PPARGC1A: variants seen among roughly 807,000 people sequenced by gnomAD.
PPARGC1A encodes the protein PPARG coactivator 1 alpha.
A neutral mutation model predicts 88.7 loss-of-function variants in PPARGC1A; 25 were observed. The ratio of observed to expected loss-of-function variants is 0.28; its 90% CI spans 0.21 to 0.39. PPARGC1A has a LOEUF of 0.39. PPARGC1A is among the 10% of genes least tolerant of loss of function. PPARGC1A has a pLI of 1.00. For missense variants in PPARGC1A, 880 were observed against 968.7 expected, an observed-to-expected ratio of 0.91 and a Z score of 1.22; for synonymous variants, 363 against 355.6, an observed-to-expected ratio of 1.02 and a Z score of -0.24.
chr4:24,270,666 C>T, the PPARGC1A span, among the ~76,000 whole-genome samples: 1 of 152,160 alleles, frequency 6.6e-6, no homozygotes, highest in Non-Finnish European at 1.5e-5. Context: ...ATGAGGATTA[C>T]AAATTTAATG....
chr4:23,835,576 G>A (rs949533016), intron 2 of PPARGC1A, among the ~76,000 whole-genome samples: 4 of 150,096 alleles, frequency 2.7e-5, no homozygotes, highest in African/African-American at 9.8e-5. Flanking sequence ...GATTATTTAC[G>A]GTCTGTATCC....
chr4:24,173,643 A>T, the PPARGC1A span, among the ~76,000 whole-genome samples: 1 of 152,196 alleles, frequency 6.6e-6, no homozygotes, highest in Non-Finnish European at 1.5e-5. Flanking sequence ...ACATCAGGAT[A>T]TGTCGTGAGG....
At chr4:23,864,822 C>A (rs1249814071) in intron 2 of PPARGC1A, among the ~76,000 whole-genome samples, 2 of 152,174 alleles carry the variant, frequency 1.3e-5, no homozygotes, top group African/African-American at 4.8e-5. Context: ...AGCAAGCTTG[C>A]AAAGCACCAA....
the PPARGC1A span, among the ~76,000 whole-genome samples, chr4:24,193,847 G>A: frequency 6.6e-6 from 1 of 152,120 alleles, no homozygotes; most frequent in Non-Finnish European, 1.5e-5. Flanking sequence ...ACACCAATGG[G>A]GCCAGGCATG....
the PPARGC1A span, among the ~76,000 whole-genome samples, chr4:24,313,997 C>T: frequency 1.3e-5 from 2 of 152,094 alleles, no homozygotes; most frequent in African/African-American, 2.4e-5. Context: ...AAAATCATAA[C>T]AGTTTGAATT....
the PPARGC1A span, among the ~76,000 whole-genome samples, chr4:24,357,794 T>C: frequency 6.6e-6 from 1 of 152,198 alleles, no homozygotes; most frequent in East Asian, 1.9e-4. Flanking sequence ...TTTTGCCTGG[T>C]TCTCATTTTC....
At chr4:24,074,196 G>A in the PPARGC1A span, among the ~76,000 whole-genome samples, 1 of 152,154 alleles carries the variant, frequency 6.6e-6, no homozygotes, top group Non-Finnish European at 1.5e-5. Flanking sequence ...CAGCCAGAAA[G>A]ACGAGAGAAG....
the PPARGC1A span, among the ~76,000 whole-genome samples, chr4:24,406,262 C>G: frequency 1.3e-5 from 2 of 152,154 alleles, no homozygotes; most frequent in Admixed American, 1.3e-4. Context: ...AGCCATCTTC[C>G]CACAAGAAGT....
chr4:23,792,138 ATT>A lies in PPARGC1A; in HGVS notation c.*3682_*3683del, dbSNP rs1240811760. ...ATAAAACCACAACAATACATGTAGAATTGGCAGGTGGAAAAAAGGCCCGGCAA... is the reference window on the plus strand; with the variant it reads ...ATAAAACCACAACAATACATGTAGAAGGCAGGTGGAAAAAAGGCCCGGCAA... On this transcript the variant is annotated 3_prime_UTR_variant, in exon 13 of 13. Coordinates refer to ENST00000264867, the MANE Select transcript of PPARGC1A (RefSeq NM_013261.5). The A allele has an allele frequency of 1.3e-5, 2 of 152,630 alleles. No homozygotes were observed. The highest frequency in any genetic ancestry group is 2.4e-5 in the African/African-American group (1 of 41,458). The allele number at this position is 152,630 out of a possible 1,614,324, so 9.5% of individuals were successfully genotyped here. A position where few individuals can be genotyped will look rare whatever the true frequency, so the allele number is the denominator to read the frequency against.
At chr4:23,912,644 T>C in the PPARGC1A span, among the ~76,000 whole-genome samples, 4 of 152,258 alleles carry the variant, frequency 2.6e-5, no homozygotes, top group Non-Finnish European at 5.9e-5. Context: ...GAATTCCCTA[T>C]GAGCTATGAA....
At chr4:24,365,309 A>G in the PPARGC1A span, among the ~76,000 whole-genome samples, 1 of 152,208 alleles carries the variant, frequency 6.6e-6, no homozygotes, top group Non-Finnish European at 1.5e-5. Flanking sequence ...GCTGACTCTA[A>G]AAAGTTAACA....
At chr4:24,445,885 T>G in the PPARGC1A span, among the ~76,000 whole-genome samples, 2 of 152,058 alleles carry the variant, frequency 1.3e-5, no homozygotes, top group African/African-American at 4.8e-5. Flanking sequence ...CTGACCAACA[T>G]GGTGAAACCC....
chr4:24,288,493 A>T, the PPARGC1A span, among the ~76,000 whole-genome samples: 1 of 152,250 alleles, frequency 6.6e-6, no homozygotes, highest in South Asian at 2.1e-4. Flanking sequence ...TCAAGATGAA[A>T]GGCTCAAAAT....
the PPARGC1A span, among the ~76,000 whole-genome samples, chr4:23,977,152 T>G: frequency 2.0e-5 from 3 of 152,168 alleles, no homozygotes; most frequent in Non-Finnish European, 2.9e-5. Context: ...GTATCTACTT[T>G]GGACCACAAT....
At chr4:24,437,416 G>C in the PPARGC1A span, among the ~76,000 whole-genome samples, 1 of 152,148 alleles carries the variant, frequency 6.6e-6, no homozygotes, top group Non-Finnish European at 1.5e-5. Context: ...TGAGGGAACG[G>C]GGGGTCCTAG....
the PPARGC1A span, among the ~76,000 whole-genome samples, chr4:24,121,521 A>G: frequency 2.4e-4 from 37 of 152,226 alleles, no homozygotes; most frequent in East Asian, 5.8e-4. Flanking sequence ...TGATCAAGCC[A>G]GAGACCTCCG....
chr4:24,242,080 T>C, the PPARGC1A span, among the ~76,000 whole-genome samples: 1 of 152,202 alleles, frequency 6.6e-6, no homozygotes, highest in Admixed American at 6.5e-5. Context: ...AGCCCACTAC[T>C]GCTGCCCTGA....
chr4:23,928,756 AAAAAC>A, the PPARGC1A span, among the ~76,000 whole-genome samples: 6 of 1,964 alleles, frequency 3.1e-3, no homozygotes, highest in Non-Finnish European at 0.047. Flanking sequence ...CCAGCCACAA[AAAAAC>A]AAAAAAAACA....
chr4:24,198,370 C>T, the PPARGC1A span, among the ~76,000 whole-genome samples: 1,270 of 152,278 alleles, frequency 8.3e-3, 9 homozygotes, highest in Middle Eastern at 0.014. Context: ...TGTAAACTCC[C>T]TACCTTGGCT....
Sources: allele counts gnomAD v4.1 joint callset (sites outside exome capture counted in the v4.1 genomes callset), GRCh38; gene constraint gnomAD v4.1.1; transcripts MANE v1.5; gene names NCBI Gene and HGNC (gene_info 2026-07-23, HGNC 2026-07-21).